DOCK3: variants seen among roughly 807,000 people sequenced by gnomAD.
DOCK3 encodes dedicator of cytokinesis protein 3.
Under a neutral mutation model 265.6 loss-of-function variants are expected in DOCK3, and 60 were observed. The observed-to-expected ratio is 0.23, with a 90% CI of 0.18 to 0.28. The LOEUF (loss-of-function observed/expected upper bound fraction) is 0.28. DOCK3 is among the 10% of genes least tolerant of loss of function. The pLI, the probability that DOCK3 is intolerant of heterozygous loss-of-function variation, is 1.00. For missense variants in DOCK3, 1,981 were observed against 2,594.3 expected (o/e 0.76, Z 5.14); for synonymous variants, 881 against 938.0 (o/e 0.94, Z 1.11).
At chr3:51,268,669 C>T (rs148173970) in intron 23 of DOCK3, among the ~76,000 whole-genome samples, 2 of 152,104 alleles carry the variant, frequency 1.3e-5, no homozygotes, top group South Asian at 2.1e-4. Flanking sequence ...CTCTTGATAC[C>T]AGTTGCCTAT....
rs139947041 is a variant in DOCK3, at chr3:50,805,009, A to C, written c.121+26251A>C. ...CATTTAATTCTTTTTCTGGCATTTC[A>C]CATATTTTCTTATGATTGAGATCTG... On this transcript the variant is annotated intron_variant, in intron 2 of 52. Transcript: ENST00000266037. Among the ~76,000 whole-genome samples, 111 of 152,180 alleles carry C rather than the reference A, an allele frequency of 7.3e-4. 2 individuals are homozygous for C. The highest frequency in any genetic ancestry group is 2.1e-3 in the African/African-American group (86 of 41,526).
At chr3:50,994,888 CATT>C (rs2078226464) in intron 5 of DOCK3, among the ~76,000 whole-genome samples, 3 of 152,122 alleles carry the variant, frequency 2.0e-5, no homozygotes, top group African/African-American at 7.2e-5. Flanking sequence ...CTGTTATCAT[CATT>C]GTTGTATACC....
rs202079825 is a variant in DOCK3 at position 51,299,264 on chromosome 3, G to GT, written c.2923-10958dup. ...ATCTCCTTTGCCCACTTTTTAATGGGTTTTTTTTTTCTTGTAAGTTTGTTT... is the reference window on the plus strand; with the variant it reads ...ATCTCCTTTGCCCACTTTTTAATGGGTTTTTTTTTTTCTTGTAAGTTTGTTT... On this transcript the variant is annotated intron_variant, in intron 27 of 52. Transcript: ENST00000266037. 5.1e-4 allele frequency among the ~76,000 whole-genome samples: 76 copies of GT among 148,110 alleles called. 1 individual carries two copies. The highest frequency in any genetic ancestry group is 2.2e-3 in the East Asian group (11 of 5,052).
intron 5 of DOCK3, among the ~76,000 whole-genome samples, chr3:50,957,777 A>G (rs905655438): frequency 4.6e-5 from 7 of 152,188 alleles, no homozygotes; most frequent in South Asian, 4.1e-4. Context: ...GATTGTTTGT[A>G]TTATTCTCTA....
chr3:50,859,210 G>GTTTTTTTT (rs138539454), intron 3 of DOCK3, among the ~76,000 whole-genome samples: 1 of 69,222 alleles, frequency 1.4e-5, no homozygotes, highest in Non-Finnish European at 2.5e-5. Context: ...AACTGGTATG[G>GTTTTTTTT]TTTTTTTTTT....
At chr3:50,791,703 G>T (rs907586462) in intron 2 of DOCK3, among the ~76,000 whole-genome samples, 1 of 152,142 alleles carries the variant, frequency 6.6e-6, no homozygotes, top group South Asian at 2.1e-4. Flanking sequence ...TTCAATGCTT[G>T]TTTTTGTCAG....
At chr3:51,051,752 C>CT (rs1559992355) in intron 5 of DOCK3, among the ~76,000 whole-genome samples, 2 of 152,146 alleles carry the variant, frequency 1.3e-5, no homozygotes, top group Non-Finnish European at 1.5e-5. Context: ...GTTCTGCAGA[C>CT]TGTACAAGCA....
intron 5 of DOCK3, among the ~76,000 whole-genome samples, chr3:50,988,333 G>T (rs956961561): frequency 3.9e-5 from 6 of 152,160 alleles, no homozygotes; most frequent in African/African-American, 1.4e-4. Context: ...TCCCAATCAG[G>T]GACCACCCCC....
intron 2 of DOCK3, among the ~76,000 whole-genome samples, chr3:50,800,138 T>C (rs1311943842): frequency 6.6e-6 from 1 of 152,214 alleles, no homozygotes; most frequent in Non-Finnish European, 1.5e-5. Flanking sequence ...ATCAGGGATA[T>C]TGGCATGTAG....
chr3:51,026,437 T>G (rs1006873872), intron 5 of DOCK3, among the ~76,000 whole-genome samples: 2 of 151,532 alleles, frequency 1.3e-5, no homozygotes, highest in Admixed American at 6.6e-5. Flanking sequence ...CCTGTAGTTT[T>G]TTTTTTTTTT....
At chr3:51,338,101 C>A (rs545161767) in intron 35 of DOCK3, among the ~76,000 whole-genome samples, 3 of 152,282 alleles carry the variant, frequency 2.0e-5, no homozygotes, top group East Asian at 3.9e-4. Flanking sequence ...CCACTTAATA[C>A]CCTGATGTAG....
intron 1 of DOCK3, among the ~76,000 whole-genome samples, chr3:50,758,886 G>A (rs2040358656): frequency 6.6e-6 from 1 of 152,094 alleles, no homozygotes; most frequent in African/African-American, 2.4e-5. Context: ...TTTGTGACTA[G>A]CTTATTTTAC....
At chr3:51,328,847 C>A (rs1460793371) in intron 32 of DOCK3, among the ~76,000 whole-genome samples, 1 of 151,920 alleles carries the variant, frequency 6.6e-6, no homozygotes, top group African/African-American at 2.4e-5. Flanking sequence ...TATCACAGTA[C>A]CACAGTTTAA....
At chr3:51,252,995 G>A (rs921371760) in intron 22 of DOCK3, among the ~76,000 whole-genome samples, 5 of 152,152 alleles carry the variant, frequency 3.3e-5, no homozygotes, top group African/African-American at 9.7e-5. Flanking sequence ...TATTGGCTGT[G>A]GGTTTGTCAT....
chr3:51,148,037 C>G (rs1409754293), intron 10 of DOCK3, among the ~76,000 whole-genome samples: 2 of 152,204 alleles, frequency 1.3e-5, no homozygotes, highest in Non-Finnish European at 2.9e-5. Flanking sequence ...GCCATTCTAA[C>G]TGGCGTGAGA....
intron 5 of DOCK3, among the ~76,000 whole-genome samples, chr3:51,041,244 G>A (rs769608559): frequency 2.4e-5 from 2 of 82,568 alleles, no homozygotes; most frequent in Admixed American, 1.9e-4. Context: ...TTGAGACAGA[G>A]TTTCGCTCTG....
chr3:51,173,185 A>G (rs556473036), intron 12 of DOCK3, among the ~76,000 whole-genome samples: 1 of 152,190 alleles, frequency 6.6e-6, no homozygotes, highest in Admixed American at 6.5e-5. Context: ...CAGTGGTACA[A>G]TCGTGGCTCA....
intron 12 of DOCK3, among the ~76,000 whole-genome samples, chr3:51,168,379 G>A (rs1318812802): frequency 2.0e-5 from 3 of 152,150 alleles, no homozygotes; most frequent in African/African-American, 4.8e-5. Flanking sequence ...GCATGGTACT[G>A]GTACAAAAAC....
At chr3:50,982,348 TG>T (rs1466604959) in intron 5 of DOCK3, among the ~76,000 whole-genome samples, 1 of 152,186 alleles carries the variant, frequency 6.6e-6, no homozygotes, top group Non-Finnish European at 1.5e-5. Flanking sequence ...CCTGTATTTT[TG>T]TTTATCACCG....
Sources: allele counts gnomAD v4.1 joint callset (sites outside exome capture counted in the v4.1 genomes callset), GRCh38; gene constraint gnomAD v4.1.1; transcripts MANE v1.5; gene names NCBI Gene and HGNC (gene_info 2026-07-23, HGNC 2026-07-21).